The following CAST variants were observed in gnomAD, a reference collection of about 807,000 sequenced individuals.
The protein encoded by CAST is MIR583 host.
CAST carries 76 observed loss-of-function variants against 119.6 expected under a neutral mutation model. The ratio of observed to expected loss-of-function variants is 0.64; its 90% CI spans 0.53 to 0.77. CAST has a LOEUF of 0.77. Among genes scored for constraint, CAST ranks in the 30% least tolerant of loss-of-function variants. The probability of loss-of-function intolerance (pLI) is 0.00; values close to 1 mark genes in which losing one functional copy is unlikely to be tolerated. For missense variants in CAST, 953 were observed against 946.5 expected (o/e 1.01, Z -0.09); for synonymous variants, 319 against 331.6 (o/e 0.96, Z 0.41).
At chr5:96,171,225 T>G in the CAST span, among the ~76,000 whole-genome samples, 1 of 152,222 alleles carries the variant, frequency 6.6e-6, no homozygotes, top group African/African-American at 2.4e-5. Context: ...TGCCATTTTC[T>G]GGCCATTTAG....
At chr5:96,749,621 A>C (rs1317608721) in intron 19 of CAST, among the ~76,000 whole-genome samples, 3 of 151,938 alleles carry the variant, frequency 2.0e-5, no homozygotes, top group African/African-American at 7.3e-5. Context: ...GTCTTGGCTC[A>C]CTCCAGCCTC....
At chr5:96,374,609 T>G in the CAST span, among the ~76,000 whole-genome samples, 1 of 152,196 alleles carries the variant, frequency 6.6e-6, no homozygotes, top group Non-Finnish European at 1.5e-5. Context: ...CTTTTGAAAA[T>G]GCTCTCTTAT....
chr5:96,612,689 G>A (rs768424360), intron 1 of CAST, among the ~76,000 whole-genome samples: 2 of 152,040 alleles, frequency 1.3e-5, no homozygotes, highest in Non-Finnish European at 2.9e-5. Context: ...TATAATTTTG[G>A]TTTACTGGAT....
the CAST span, among the ~76,000 whole-genome samples, chr5:96,181,846 T>A: frequency 6.6e-6 from 1 of 152,164 alleles, no homozygotes. Context: ...AATAGATGAG[T>A]TAGAGGTTAT....
At chr5:96,695,040 C>G (rs469633) in intron 2 of CAST, among the ~76,000 whole-genome samples, 28,468 of 152,054 alleles carry the variant, frequency 0.19, 2,778 homozygotes, top group East Asian at 0.24. Context: ...ATAACGTAAC[C>G]CCCTATTATG....
chr5:96,622,387 T>C (rs1322330884), intron 1 of CAST, among the ~76,000 whole-genome samples: 1 of 152,192 alleles, frequency 6.6e-6, no homozygotes, highest in East Asian at 1.9e-4. Flanking sequence ...GAAAAACATA[T>C]TCTCCTCTGG....
the CAST span, among the ~76,000 whole-genome samples, chr5:96,038,094 C>T: frequency 6.6e-6 from 1 of 152,080 alleles, no homozygotes; most frequent in Non-Finnish European, 1.5e-5. Flanking sequence ...GAAGGTCATG[C>T]ATCCTCAGTT....
chr5:96,148,930 G>A, the CAST span, among the ~76,000 whole-genome samples: 1 of 152,138 alleles, frequency 6.6e-6, no homozygotes, highest in African/African-American at 2.4e-5. Context: ...GTAAAGTGTG[G>A]GGCATCTGAA....
At chr5:96,564,075 C>A (rs1746429073) in intron 1 of CAST, among the ~76,000 whole-genome samples, 1 of 152,148 alleles carries the variant, frequency 6.6e-6, no homozygotes, top group African/African-American at 2.4e-5. Context: ...GGAAGTATTT[C>A]ATAAAGAACC....
At chr5:96,334,657 A>G in the CAST span, among the ~76,000 whole-genome samples, 1 of 152,198 alleles carries the variant, frequency 6.6e-6, no homozygotes, top group Admixed American at 6.5e-5. Context: ...CAGTAGGCAT[A>G]GTAGTGACTA....
In CAST at chr5:96,597,908, A is replaced by G. The variant is rs1747080928; in HGVS notation, c.60+68028A>G. 2.0e-5 allele frequency among the ~76,000 whole-genome samples: 3 copies of G among 150,826 alleles called. No homozygotes were observed. In the South Asian group the frequency reaches 6.4e-4, roughly 32 times the overall value. ...AGGATCTGGAGGGGTGGAAGAAGAA[A>G]AGAAAGGGGGAGAGAAAAATGGAAA... On this transcript the variant is annotated intron_variant, in intron 1 of 11. Coordinates refer to the CAST transcript ENST00000505143.
chr5:95,963,892 G>A, the CAST span, among the ~76,000 whole-genome samples: 3 of 151,978 alleles, frequency 2.0e-5, no homozygotes, highest in Middle Eastern at 3.2e-3. Flanking sequence ...ATCCTAACTT[G>A]GCCTACTCTT....
chr5:96,121,923 T>C, the CAST span, among the ~76,000 whole-genome samples: 37 of 146,272 alleles, frequency 2.5e-4, no homozygotes, highest in Non-Finnish European at 3.5e-4. Flanking sequence ...AAAAAACAAA[T>C]ATAATTTTAA....
chr5:96,269,152 C>T, the CAST span, among the ~76,000 whole-genome samples: 1 of 152,002 alleles, frequency 6.6e-6, no homozygotes, highest in Non-Finnish European at 1.5e-5. Context: ...TCAGGTAGTT[C>T]TTTTTAGCAG....
At chr5:96,283,137 A>AAAAAAAAAG in the CAST span, among the ~76,000 whole-genome samples, 31,149 of 132,524 alleles carry the variant, frequency 0.24, 4,598 homozygotes, top group South Asian at 0.29. Flanking sequence ...CTCAAAAAAA[A>AAAAAAAAAG]AAAAAAAAGA....
the CAST span, among the ~76,000 whole-genome samples, chr5:96,185,638 T>C: frequency 6.6e-6 from 1 of 152,242 alleles, no homozygotes; most frequent in Non-Finnish European, 1.5e-5. Context: ...TTGTCAAGTT[T>C]GTTAAACATC....
chr5:96,726,677 G>T, intron 4 of CAST, 117 bp from the exon 5 acceptor site: 2 of 664,438 alleles, frequency 3.0e-6, no homozygotes, highest in East Asian at 2.7e-5. Flanking sequence ...CATATGCATC[G>T]AGTAGATGCA....
the CAST span, among the ~76,000 whole-genome samples, chr5:96,021,063 C>G: frequency 4.9e-3 from 739 of 151,902 alleles, 8 homozygotes; most frequent in African/African-American, 0.017. Flanking sequence ...ATTTTATTTC[C>G]TATTTTATTA....
the CAST span, among the ~76,000 whole-genome samples, chr5:96,169,477 G>T: frequency 2.6e-5 from 4 of 152,188 alleles, no homozygotes; most frequent in East Asian, 1.9e-4. Context: ...GGTTGATAAG[G>T]TGCAGATCCT....
Sources: gnomAD v4.1 joint callset for allele counts (sites outside exome capture counted in the v4.1 genomes callset) on GRCh38, gnomAD v4.1.1 for gene constraint, MANE v1.5 for transcripts, NCBI Gene and HGNC (gene_info 2026-07-23, HGNC 2026-07-21) for gene names.